Variants in DNAI3 observed in about 807,000 individuals in gnomAD.
DNAI3 encodes dynein axonemal intermediate chain 3.
In DNAI3, 83 loss-of-function variants were observed where a neutral mutation model predicts 115.5. The ratio of observed to expected loss-of-function variants is 0.72; its 90% CI spans 0.60 to 0.86. The LOEUF is 0.86. DNAI3 is among the 40% of genes least tolerant of loss of function. The pLI is 0.00. For synonymous variants in DNAI3, 320 were observed against 347.0 expected (o/e 0.92, Z 0.86); for missense variants, 1,004 against 1,075.8 (o/e 0.93, Z 0.93).
At chr1:85,076,005 G>A (rs1198883493) in intron 3 of DNAI3, among the ~76,000 whole-genome samples, 1 of 152,156 alleles carries the variant, frequency 6.6e-6, no homozygotes, top group African/African-American at 2.4e-5. Flanking sequence ...ACTTTCACCA[G>A]GCTAATGTCA....
At chr1:85,121,039 G>C (rs1446685184) in intron 17 of DNAI3, among the ~76,000 whole-genome samples, 1 of 152,132 alleles carries the variant, frequency 6.6e-6, no homozygotes, top group Non-Finnish European at 1.5e-5. Flanking sequence ...AGATCGCATG[G>C]GGTGATCTAG....
intron 21 of DNAI3, 57 bp downstream of exon 21, chr1:85,128,856 GTCTTTAAAAAAATGT>G: frequency 6.7e-7 from 1 of 1,487,196 alleles, no homozygotes. Flanking sequence ...GCTGAGATAT[GTCTTTAAAAAAATGT>G]TAGAAATGAC....
rs1176894417 is a variant in DNAI3, at chr1:85,084,248, GTGTA to G, written c.391-296_391-293del. Among the ~76,000 whole-genome samples, 77 of 32,482 alleles carry G rather than the reference GTGTA, an allele frequency of 2.4e-3. 1 individual carries two copies. Among genetic ancestry groups the G allele is most frequent in the Admixed American group, 5.6e-3 (10 of 1,776 alleles). The allele number at this position is 32,482 out of a possible 152,430, so 21.3% of individuals were successfully genotyped here. On this transcript the variant is annotated intron_variant, in intron 5 of 22. Transcript: ENST00000294664. ...ATATGTGTATATATATATCAGCAGT[GTGTA>G]TATATATATATATATATATATATAT...
At chr1:85,078,783 A>T (rs1292926538) in intron 3 of DNAI3, among the ~76,000 whole-genome samples, 3 of 152,250 alleles carry the variant, frequency 2.0e-5, no homozygotes, top group East Asian at 3.8e-4. Context: ...AGTTATCTGC[A>T]GTTATCACTG....
chr1:85,112,851 C>A (rs1241821405), intron 16 of DNAI3, among the ~76,000 whole-genome samples: 1 of 152,220 alleles, frequency 6.6e-6, no homozygotes, highest in African/African-American at 2.4e-5. Flanking sequence ...CACACTGCAA[C>A]CTCTGCCTCT....
At chr1:85,063,940 G>T (rs1200274659) in intron 1 of DNAI3, among the ~76,000 whole-genome samples, 5 of 151,986 alleles carry the variant, frequency 3.3e-5, no homozygotes, top group African/African-American at 1.2e-4. Context: ...CTGTGACTTT[G>T]TTAGTAACTC....
intron 10 of DNAI3, among the ~76,000 whole-genome samples, chr1:85,095,066 T>A (rs1388185676): frequency 6.6e-6 from 1 of 152,096 alleles, no homozygotes; most frequent in Non-Finnish European, 1.5e-5. Flanking sequence ...ATCGCCCAAT[T>A]TTAAATAGCT....
At chr1:85,102,690 G>T (rs1010632884) in intron 13 of DNAI3, among the ~76,000 whole-genome samples, 2 of 152,162 alleles carry the variant, frequency 1.3e-5, no homozygotes, top group African/African-American at 4.8e-5. Context: ...CAAACTGTTT[G>T]ACCAGTAATT....
Position 85,132,612 on chromosome 1 carries a change from G to A in DNAI3, c.2533-243G>A, listed in dbSNP as rs562709812. Reference sequence around the variant, plus strand: ...GGAAACAAGAGTTATAGGGAAGAAGGCCGGAAAAAGGGACTTTTTTTTGAG... The same window carrying A: ...GGAAACAAGAGTTATAGGGAAGAAGACCGGAAAAAGGGACTTTTTTTTGAG... On this transcript the variant is annotated intron_variant, in intron 22 of 22. Transcript: ENST00000294664. Among the ~76,000 whole-genome samples, 3 of 151,490 alleles carry A rather than the reference G, an allele frequency of 2.0e-5. No homozygotes were observed. The South Asian group carries it at 6.3e-4, about 32-fold the overall frequency.
chr1:85,130,667 T>TGATA (rs71736981), intron 22 of DNAI3, among the ~76,000 whole-genome samples: 8,592 of 148,368 alleles, frequency 0.058, 240 homozygotes, highest in Non-Finnish European at 0.064. Flanking sequence ...ATTAGATAGA[T>TGATA]GATAGATAGA....
rs2100555519 is a variant in DNAI3 at position 85,071,992 on chromosome 1, A to G, written c.51A>G (p.Lys17=). 6.2e-7 allele frequency: 1 copy of G among 1,612,732 alleles called. No homozygotes were observed. The highest frequency in any genetic ancestry group is 1.1e-5 in the South Asian group (1 of 90,528). Residue 17 remains lysine (K), a synonymous_variant, in exon 2 of 23, where the codon AAA becomes AAG. Coordinates refer to ENST00000294664, the MANE Select transcript of DNAI3 (RefSeq NM_145172.5). ...CATCACGTGGCAAAAAAAGACTAAA[A>G]CCAGTATTAGCTGGTAGGAATATTT... ...KKTSRGKKRL[K]PVLAASEDME...
chr1:85,071,811 A>G, intron 1 of DNAI3, 117 bp from the exon 2 acceptor site: 1 of 997,514 alleles, frequency 1.0e-6, no homozygotes, highest in Non-Finnish European at 1.5e-6. Context: ...GATTTAGCCC[A>G]GGGTAAATCT....
chr1:85,110,136 G>GTAAC lies in DNAI3; in HGVS notation c.1786+3_1786+6dup. On this transcript the variant is annotated splice_donor_variant, in intron 16 of 22. Coordinates refer to ENST00000294664, the MANE Select transcript of DNAI3 (RefSeq NM_145172.5). LOFTEE classifies it high-confidence loss of function. ...GACCATCTTCTTTGCAAAACACAAG[G>GTAAC]TAACTGCCTTTGCTTATTTAAAAAA... 6.2e-7 allele frequency: 1 copy of GTAAC among 1,605,814 alleles called. No homozygotes were observed. The highest frequency in any genetic ancestry group is 1.3e-5 in the African/African-American group (1 of 74,398).
intron 1 of DNAI3, among the ~76,000 whole-genome samples, chr1:85,064,440 T>A (rs1557703126): frequency 6.6e-6 from 1 of 152,220 alleles, no homozygotes; most frequent in African/African-American, 2.4e-5. Flanking sequence ...GTTGTATACT[T>A]GCCAAAATAT....
intron 14 of DNAI3, 93 bp from the exon 15 acceptor site, chr1:85,107,940 G>C: frequency 1.1e-6 from 1 of 882,480 alleles, no homozygotes; most frequent in Non-Finnish European, 1.6e-6. Context: ...TATAGCCATG[G>C]TCACAATGCT....
chr1:85,086,235 A>C (rs1033935015), intron 7 of DNAI3, among the ~76,000 whole-genome samples: 3 of 152,184 alleles, frequency 2.0e-5, no homozygotes, highest in Non-Finnish European at 4.4e-5. Context: ...ATGAGATAGA[A>C]GTATGGAAGA....
At chr1:85,096,904 T>C (rs1299252759) in intron 11 of DNAI3, among the ~76,000 whole-genome samples, 1 of 152,166 alleles carries the variant, frequency 6.6e-6, no homozygotes, top group Non-Finnish European at 1.5e-5. Context: ...GAAATGCCTT[T>C]TTCACTCATT....
chr1:85,087,254 G>A (rs1041718683), intron 7 of DNAI3, among the ~76,000 whole-genome samples: 2 of 151,686 alleles, frequency 1.3e-5, no homozygotes, highest in Non-Finnish European at 2.9e-5. Flanking sequence ...TGGCCAACAC[G>A]GTGAAACCCC....
intron 16 of DNAI3, among the ~76,000 whole-genome samples, chr1:85,114,334 A>T (rs1655751165): frequency 6.6e-6 from 1 of 152,132 alleles, no homozygotes; most frequent in African/African-American, 2.4e-5. Flanking sequence ...TTTGAATATT[A>T]ATTTTGTATC....
Sources: allele counts gnomAD v4.1 joint callset (sites outside exome capture counted in the v4.1 genomes callset), GRCh38; gene constraint gnomAD v4.1.1; transcripts MANE v1.5; gene names NCBI Gene and HGNC (gene_info 2026-07-23, HGNC 2026-07-21).